The following LGI1 variants were observed in gnomAD, a reference collection of about 807,000 sequenced individuals.
LGI1 encodes leucine rich glioma inactivated 1, also known as leucine-rich glioma-inactivated protein 1.
In LGI1, 11 loss-of-function variants were observed where a neutral mutation model predicts 57.7. The observed-to-expected ratio is 0.19, with a 90% CI of 0.12 to 0.32. LGI1 has a LOEUF of 0.32. LGI1 is among the 10% of genes least tolerant of loss of function. The pLI, the probability that LGI1 is intolerant of heterozygous loss-of-function variation, is 1.00. For synonymous variants in LGI1, 222 were observed against 241.9 expected (o/e 0.92, Z 0.76); for missense variants, 422 against 661.9 (o/e 0.64, Z 3.98).
chr10:93,767,943 G>C (rs943452901), intron 2 of LGI1: 2 of 152,074 alleles, frequency 1.3e-5, no homozygotes, highest in African/African-American at 2.4e-5. Flanking sequence ...CATTTCCCTG[G>C]GTATGTTCCA....
At position 93,777,555 on chromosome 10, in the gene LGI1, AAAC is replaced by A. The variant is rs1275216863; in HGVS notation, c.377_379del (p.Asn126del). The A allele has an allele frequency of 6.2e-7, 1 of 1,613,596 alleles. No individual in the cohort carries two copies. The highest frequency in any genetic ancestry group is 8.5e-7 in the Non-Finnish European group (1 of 1,179,650). On this transcript the variant is annotated inframe_deletion, in exon 4 of 8. Coordinates refer to ENST00000371418, the MANE Select transcript of LGI1 (RefSeq NM_005097.4). Reference sequence around the variant, plus strand: ...TTATAACTTATTGCAGATTCATAGAAAACAACAACATCAAGTCAATTTCAAGAC... The same window carrying A: ...TTATAACTTATTGCAGATTCATAGAAAACAACATCAAGTCAATTTCAAGAC...
chr10:93,793,374 T>C (rs1339566122), intron 7 of LGI1, 24 bp downstream of exon 7: 15 of 1,607,094 alleles, frequency 9.3e-6, no homozygotes, highest in Non-Finnish European at 1.1e-5. Flanking sequence ...AATGATATTT[T>C]GAGTGGTAAT....
rs1381824571 is a variant in LGI1 at position 93,786,053 on chromosome 10, C to G, written c.432-4046C>G. Among the ~76,000 whole-genome samples the G allele has an allele frequency of 6.5e-5, 3 of 46,324 alleles. 1 individual carries two copies. The highest frequency in any genetic ancestry group is 9.0e-5 in the African/African-American group (3 of 33,282). The allele number at this position is 46,324 out of a possible 152,430, so 30.4% of individuals were successfully genotyped here. On this transcript the variant is annotated intron_variant, in intron 4 of 7. Coordinates refer to ENST00000371418, the MANE Select transcript of LGI1 (RefSeq NM_005097.4). Reference sequence around the variant, plus strand: ...TGATGATTTGTGGAGGCAACAGGCCCTCATCACAGCTGGCTTTAAGCTGGC... The same window carrying G: ...TGATGATTTGTGGAGGCAACAGGCCGTCATCACAGCTGGCTTTAAGCTGGC...
intron 4 of LGI1, among the ~76,000 whole-genome samples, chr10:93,782,509 C>A (rs1004765737): frequency 6.6e-6 from 1 of 152,050 alleles, no homozygotes; most frequent in Non-Finnish European, 1.5e-5. Flanking sequence ...AGTCCTGGAT[C>A]AGAATTCTAA....
At chr10:93,764,844 T>C (rs2059657852) in intron 2 of LGI1, 1 of 152,202 alleles carries the variant, frequency 6.6e-6, no homozygotes, top group South Asian at 2.1e-4. Context: ...TAACATCAGA[T>C]TAGTGTCTGA....
chr10:93,786,896 C>A (rs1044767395), intron 4 of LGI1, among the ~76,000 whole-genome samples: 1 of 152,182 alleles, frequency 6.6e-6, no homozygotes, highest in African/African-American at 2.4e-5. Context: ...GCCCTGGCAA[C>A]CTGTTACATT....
rs192406399 is a variant in LGI1, at chr10:93,779,618, A to G, written c.431+2001A>G. Among the ~76,000 whole-genome samples, 15 of 152,328 alleles carry G rather than the reference A, an allele frequency of 9.8e-5. No individual in the cohort carries two copies. In the East Asian group the frequency reaches 2.9e-3, roughly 29 times the overall value. On this transcript the variant is annotated intron_variant, in intron 4 of 7. Coordinates refer to ENST00000371418, the MANE Select transcript of LGI1 (RefSeq NM_005097.4). Reference sequence around the variant, plus strand: ...CTAGTGTAGGACACCCATTTTGTTTACTGGAGCCTATGATGTGTATCAAAT... The same window carrying G: ...CTAGTGTAGGACACCCATTTTGTTTGCTGGAGCCTATGATGTGTATCAAAT...
chr10:93,781,943 G>A (rs1455603493), intron 4 of LGI1, among the ~76,000 whole-genome samples: 2 of 152,204 alleles, frequency 1.3e-5, no homozygotes, highest in African/African-American at 4.8e-5. Context: ...GGGGTACAAA[G>A]GACTATATAA....
intron 4 of LGI1, among the ~76,000 whole-genome samples, chr10:93,787,828 GC>G (rs764910389): frequency 1.7e-4 from 26 of 150,928 alleles, no homozygotes; most frequent in South Asian, 1.5e-3. Flanking sequence ...GATCACTTGA[GC>G]CAGGGACGTT....
In LGI1 at chr10:93,797,314, A is replaced by G. The variant is rs1347150470; in HGVS notation, c.1185A>G (p.Arg395=). 1 of 1,614,072 alleles carries G rather than the reference A, an allele frequency of 6.2e-7. No individual in the cohort carries two copies. The highest frequency in any genetic ancestry group is 2.2e-5 in the East Asian group (1 of 44,896). Residue 395 remains arginine, a synonymous_variant, in exon 8 of 8, where the codon AGA becomes AGG. Transcript: ENST00000371418. The surrounding 1 kb of genome is among the most constrained non-coding windows in gnomAD (Gnocchi z 6.5). The part of the protein sequence containing the change: ...LEIVRTPQTL[R]TPHLILSSSS... The stretch of plus-strand genomic sequence containing the variant: ...TAGTCAGAACACCTCAGACACTCAG[A>G]ACGCCTCATTTAATTCTGTCTAGTA...
chr10:93,797,420 G>A lies in LGI1; in HGVS notation c.1291G>A (p.Asp431Asn). The A allele has an allele frequency of 2.5e-6, 4 of 1,614,208 alleles. No individual in the cohort carries two copies. The highest frequency in any genetic ancestry group is 3.4e-6 in the Non-Finnish European group (4 of 1,180,038). ...CCAAACTGACATTCCTAACATGGAG[G>A]ATGTGTACGCAGTGAAGCACTTCTC... ...TNQTDIPNME[D>N]VYAVKHFSVK... Residue 431 changes from aspartate to asparagine, a missense_variant, in exon 8 of 8, where the codon GAT becomes AAT. Coordinates refer to ENST00000371418, the MANE Select transcript of LGI1 (RefSeq NM_005097.4). This position sits in a 1 kb window ranked among gnomAD's most constrained non-coding sequence, Gnocchi z 6.5.
intron 2 of LGI1, chr10:93,767,236 A>G (rs1415823301): frequency 1.3e-5 from 2 of 151,914 alleles, no homozygotes; most frequent in African/African-American, 4.9e-5. Context: ...TTGCTTAAAC[A>G]AAAATAGAGA....
rs970400849 is a variant in LGI1, at chr10:93,758,643, A to T, written c.216-117A>T. The T allele has an allele frequency of 1.3e-6, 1 of 769,012 alleles. No individual in the cohort carries two copies. The highest frequency in any genetic ancestry group is 1.7e-5 in the African/African-American group (1 of 57,838). 47.6% of individuals were successfully genotyped at this position (769,012 alleles called of 1,614,324 possible). A position where few individuals can be genotyped will look rare whatever the true frequency, so the allele number is the denominator to read the frequency against. On this transcript the variant is annotated intron_variant, in intron 1 of 7. Coordinates refer to ENST00000371418, the MANE Select transcript of LGI1 (RefSeq NM_005097.4). This position sits in a 1 kb window ranked among gnomAD's most constrained non-coding sequence, Gnocchi z 4.7. ...AAGGAATAGTATCGTACTTCATAAA[A>T]TAGTGTCAAAATAGTCACTGTTATG...
Position 93,777,578 on chromosome 10 carries a change from C to T in LGI1, c.392C>T (p.Ser131Leu). 6.2e-7 allele frequency: 1 copy of T among 1,613,610 alleles called. No homozygotes were observed. ...GAAAACAACAACATCAAGTCAATTT[C>T]AAGACATACTTTCCGGGGACTAAAG... The part of the protein sequence containing the change: ...FIENNNIKSI[S>L]RHTFRGLKSL... The change falls in exon 4 of 8, where the codon TCA (serine) becomes TTA (leucine). Residue 131 changes from serine to leucine, a missense_variant. By Grantham distance (145) the Ser-to-Leu change is moderately radical. Coordinates refer to ENST00000371418, the MANE Select transcript of LGI1 (RefSeq NM_005097.4).
intron 2 of LGI1, chr10:93,768,337 C>T (rs923315628): frequency 6.6e-6 from 1 of 152,210 alleles, no homozygotes; most frequent in African/African-American, 2.4e-5. Context: ...GGAATCCCAG[C>T]TCTGCCACTT....
At position 93,793,346 on chromosome 10, in the gene LGI1, T is replaced by A; in HGVS notation, c.834T>A (p.Ile278=). The change falls in exon 7 of 8, where the codon ATT becomes ATA. Residue 278 remains isoleucine (I), a synonymous_variant. Coordinates refer to ENST00000371418, the MANE Select transcript of LGI1 (RefSeq NM_005097.4). The part of the protein sequence containing the change: ...VEKTFRNYDN[I]TGTSTVVCKP... The stretch of plus-strand genomic sequence containing the variant: ...AGACCTTCCGGAATTATGACAACAT[T>A]ACAGGTATGAAAAGCCTAATGATAT... 8 of 1,613,490 alleles carry A rather than the reference T, an allele frequency of 5.0e-6. No homozygotes were observed. Among genetic ancestry groups the A allele is most frequent in the Non-Finnish European group, 6.8e-6 (8 of 1,179,474 alleles).
intron 2 of LGI1, chr10:93,772,932 T>A (rs1272207663): frequency 6.6e-6 from 1 of 151,684 alleles, no homozygotes; most frequent in Non-Finnish European, 1.5e-5. Context: ...ATACAAAAAT[T>A]AGCCAGGCTT....
At position 93,792,873 on chromosome 10, in the gene LGI1, A is replaced by G. The variant is rs757629755; in HGVS notation, c.634A>G (p.Asn212Asp). Residue 212 changes from asparagine (N) to aspartate (D), a missense_variant, in exon 6 of 8, where the codon AAT (asparagine) becomes GAT (aspartate). Physicochemically the swap from Asn to Asp is conservative, Grantham distance 23. Transcript: ENST00000371418. ...CCCAGAATACAAGAAGCGCAAAATC[A>G]ATAGTCTCTCCTCGAAGGATTTTGA... ...GPPEYKKRKI[N>D]SLSSKDFDCI... The G allele has an allele frequency of 3.1e-6, 5 of 1,614,156 alleles. No individual in the cohort carries two copies. The African/African-American group carries it at 5.3e-5, about 17-fold the overall frequency.
At chr10:93,765,929 C>T (rs1362790216) in intron 2 of LGI1, among the ~76,000 whole-genome samples, 1 of 146,710 alleles carries the variant, frequency 6.8e-6, no homozygotes, top group Admixed American at 6.8e-5. Flanking sequence ...GAGATCGCGC[C>T]ACTGCACTCC....
Sources: allele counts gnomAD v4.1 joint callset (sites outside exome capture counted in the v4.1 genomes callset), GRCh38; gene constraint gnomAD v4.1.1; non-coding constraint Gnocchi (gnomAD v3.1); transcripts MANE v1.5; gene names NCBI Gene and HGNC (gene_info 2026-07-23, HGNC 2026-07-21).